Variants in SGK1 observed in about 807,000 individuals in gnomAD.
SGK1 encodes the protein serine/threonine-protein kinase Sgk1.
In SGK1, 26 loss-of-function variants were observed where a neutral mutation model predicts 64.2. The observed-to-expected ratio is 0.40, with a 90% confidence interval of 0.30 to 0.56. The LOEUF is 0.56. Among genes scored for constraint, SGK1 ranks in the 20% least tolerant of loss-of-function variants. The pLI is 0.38. For missense variants in SGK1, 519 were observed against 645.6 expected (o/e 0.80, Z 2.12); for synonymous variants, 265 against 239.7 (o/e 1.11, Z -0.98).
At chr6:134,290,150 CAAAAAAAAAAAAA>C (rs35039086) in intron 1 of SGK1, among the ~76,000 whole-genome samples, 2 of 75,942 alleles carry the variant, frequency 2.6e-5, no homozygotes, top group Non-Finnish European at 4.7e-5. Context: ...AGCTCCTTCT[CAAAAAAAAAAAAA>C]AAAAAAAAAA....
intron 2 of SGK1, among the ~76,000 whole-genome samples, chr6:134,243,223 G>A (rs965591092): frequency 6.6e-6 from 1 of 151,910 alleles, no homozygotes; most frequent in East Asian, 1.9e-4. Flanking sequence ...ATATACTGAT[G>A]GTTCAGTTTT....
At position 134,210,915 on chromosome 6, in the gene SGK1, A is replaced by T. The variant is rs1038078929; in HGVS notation, c.286-3484T>A. ...TGAGGCGGGTGGGTCGCCTGAGGTC[A>T]GGAGTTTGAGACCAGCCTGGCCAAC... On this transcript the variant is annotated intron_variant, in intron 2 of 13. Transcript: ENST00000367858. Among the ~76,000 whole-genome samples the T allele has an allele frequency of 2.0e-5, 3 of 151,954 alleles. 1 individual carries two copies. In the South Asian group the frequency reaches 6.2e-4, roughly 31 times the overall value.
At chr6:134,299,918 A>T (rs1240904035) in intron 1 of SGK1, among the ~76,000 whole-genome samples, 1 of 152,030 alleles carries the variant, frequency 6.6e-6, no homozygotes, top group Admixed American at 6.5e-5. Flanking sequence ...TTCACAAAAT[A>T]AAATGCTTTT....
chr6:134,276,015 T>A (rs1777011933), intron 1 of SGK1, among the ~76,000 whole-genome samples: 1 of 152,238 alleles, frequency 6.6e-6, no homozygotes. Flanking sequence ...TTTTCTCTCA[T>A]ATATTCAGTA....
intron 3 of SGK1, chr6:134,174,952 C>A (rs1775175194): frequency 7.2e-7 from 1 of 1,396,078 alleles, no homozygotes; most frequent in South Asian, 1.4e-5. Flanking sequence ...CCGCCCTTCG[C>A]CTCGCCCCTC....
At chr6:134,298,722 G>A (rs1002490091) in intron 1 of SGK1, 48 of 653,034 alleles carry the variant, frequency 7.4e-5, no homozygotes, top group East Asian at 2.2e-4. Flanking sequence ...GGAGGCAGGC[G>A]GGCTGAACCA....
chr6:134,174,834 T>C (rs368079246), intron 3 of SGK1: 17 of 1,613,650 alleles, frequency 1.1e-5, no homozygotes, highest in African/African-American at 8.0e-5. Flanking sequence ...CAGAAAGACG[T>C]TAGCGCTCAA....
chr6:134,205,957 C>A (rs181748221), intron 3 of SGK1, among the ~76,000 whole-genome samples: 2 of 152,088 alleles, frequency 1.3e-5, no homozygotes, highest in Admixed American at 1.3e-4. Flanking sequence ...TTAGGCCTCA[C>A]GGCTCATGTG....
intron 1 of SGK1, among the ~76,000 whole-genome samples, chr6:134,289,252 G>A (rs1402863004): frequency 6.6e-6 from 1 of 152,214 alleles, no homozygotes; most frequent in Admixed American, 6.5e-5. Flanking sequence ...AGGTGGAAAG[G>A]AGGTAGTGTA....
intron 3 of SGK1, among the ~76,000 whole-genome samples, chr6:134,183,998 A>T (rs1046466035): frequency 6.6e-6 from 1 of 151,862 alleles, no homozygotes; most frequent in East Asian, 1.9e-4. Context: ...AACATTCTCT[A>T]ATCAGGTCGC....
chr6:134,239,279 C>G (rs1582735305), intron 2 of SGK1, among the ~76,000 whole-genome samples: 1 of 152,244 alleles, frequency 6.6e-6, no homozygotes, highest in Non-Finnish European at 1.5e-5. Context: ...TGATAATACA[C>G]CACCTTCTCA....
chr6:134,307,814 C>T (rs1777555925), intron 1 of SGK1, among the ~76,000 whole-genome samples: 1 of 152,148 alleles, frequency 6.6e-6, no homozygotes, highest in African/African-American at 2.4e-5. Flanking sequence ...TTCTTCTCTT[C>T]ATCAATACTC....
At chr6:134,309,897 T>TA (rs1026788160) in intron 1 of SGK1, among the ~76,000 whole-genome samples, 25 of 151,780 alleles carry the variant, frequency 1.6e-4, no homozygotes, top group Middle Eastern at 3.4e-3. Context: ...AACTAGTATG[T>TA]AAAAAAAAAT....
intron 3 of SGK1, among the ~76,000 whole-genome samples, chr6:134,179,498 T>C (rs1339084988): frequency 6.8e-6 from 1 of 147,500 alleles, no homozygotes; most frequent in Non-Finnish European, 1.5e-5. Context: ...GCATGTCTTT[T>C]TTTTTTTTTT....
rs1175251997 is a variant in SGK1, at chr6:134,174,543, C to T, written c.405G>A (p.Gln135=). Residue 135 remains glutamine, a synonymous_variant, in exon 4 of 14, where the codon CAG becomes CAA. Coordinates refer to ENST00000367858, the MANE Select transcript of SGK1 (RefSeq NM_001143676.3). ...ATGCATAGGAGTTATTGGCAATCTT[C>T]TGAATAAAGTCGTTCAGACCCATCC... ...QRRMGLNDFI[Q]KIANNSYACK... 1 of 1,613,954 alleles carries T rather than the reference C, an allele frequency of 6.2e-7. No individual in the cohort carries two copies. The highest frequency in any genetic ancestry group is 1.3e-5 in the African/African-American group (1 of 75,016).
At chr6:134,234,710 C>T (rs1776337161) in intron 2 of SGK1, among the ~76,000 whole-genome samples, 1 of 151,952 alleles carries the variant, frequency 6.6e-6, no homozygotes, top group Non-Finnish European at 1.5e-5. Context: ...AACCCCATCT[C>T]CACTAAAAAT....
intron 2 of SGK1, chr6:134,249,554 T>C (rs1216407882): frequency 1.3e-5 from 2 of 152,224 alleles, no homozygotes; most frequent in Non-Finnish European, 2.9e-5. Flanking sequence ...AACCCTCTTA[T>C]GTGTAGTCTC....
intron 1 of SGK1, among the ~76,000 whole-genome samples, chr6:134,285,921 G>A (rs1431676955): frequency 6.6e-6 from 1 of 152,180 alleles, no homozygotes. Flanking sequence ...TGAAGAGTTT[G>A]CCTTCCAAGG....
intron 2 of SGK1, among the ~76,000 whole-genome samples, chr6:134,231,296 G>A (rs961305692): frequency 2.3e-4 from 35 of 152,188 alleles, no homozygotes; most frequent in Admixed American, 1.3e-4. Flanking sequence ...AGTGGAAAAT[G>A]CTTTGTCCAC....
Sources: allele counts gnomAD v4.1 joint callset (sites outside exome capture counted in the v4.1 genomes callset), GRCh38; gene constraint gnomAD v4.1.1; transcripts MANE v1.5; gene names NCBI Gene and HGNC (gene_info 2026-07-23, HGNC 2026-07-21).